ZNF804B: variants seen among roughly 807,000 people sequenced by gnomAD.
ZNF804B encodes the protein zinc finger protein 804B.
Under a neutral mutation model 101.4 loss-of-function variants are expected in ZNF804B, and 80 were observed. The ratio of observed to expected loss-of-function variants is 0.79; its 90% CI spans 0.66 to 0.95. The LOEUF is 0.95. ZNF804B is among the 40% of genes least tolerant of loss of function. The probability of loss-of-function intolerance (pLI) is 0.00; values close to 1 mark genes in which losing one functional copy is unlikely to be tolerated. For missense variants in ZNF804B, 1,673 were observed against 1,561.9 expected (o/e 1.07, Z -1.20); for synonymous variants, 622 against 558.8 (o/e 1.11, Z -1.59).
chr7:88,915,030 T>A (rs1263872046), intron 1 of ZNF804B, among the ~76,000 whole-genome samples: 1 of 152,146 alleles, frequency 6.6e-6, no homozygotes, highest in Non-Finnish European at 1.5e-5. Context: ...CTTCCCACCC[T>A]TTTTTAATGA....
chr7:89,180,099 T>C (rs2115578381), intron 1 of ZNF804B, among the ~76,000 whole-genome samples: 2 of 152,258 alleles, frequency 1.3e-5, no homozygotes, highest in South Asian at 4.1e-4. Flanking sequence ...TGGGCCAGAC[T>C]TGACGTCAGC....
chr7:88,997,796 G>A (rs756653305), intron 1 of ZNF804B, among the ~76,000 whole-genome samples: 2 of 151,928 alleles, frequency 1.3e-5, no homozygotes, highest in African/African-American at 4.8e-5. Context: ...CTCTCCTATC[G>A]CACCACTCAA....
Position 88,860,353 on chromosome 7 carries a change from T to C in ZNF804B, c.108+100269T>C, listed in dbSNP as rs562072466. Among the ~76,000 whole-genome samples the C allele has an allele frequency of 1.4e-3, 217 of 152,260 alleles. 1 individual carries two copies. Among genetic ancestry groups the C allele is most frequent in the South Asian group, 0.01 (49 of 4,832 alleles). On this transcript the variant is annotated intron_variant, in intron 1 of 3. Coordinates refer to ENST00000333190, the MANE Select transcript of ZNF804B (RefSeq NM_181646.5). ...GTTTGCTTGACATTGGAGTATATTTTATCCTTCCTTTAAATTGTTACAGGT... is the reference window on the plus strand; with the variant it reads ...GTTTGCTTGACATTGGAGTATATTTCATCCTTCCTTTAAATTGTTACAGGT...
chr7:88,850,335 T>C (rs925297930), intron 1 of ZNF804B, among the ~76,000 whole-genome samples: 1 of 152,012 alleles, frequency 6.6e-6, no homozygotes, highest in Non-Finnish European at 1.5e-5. Flanking sequence ...GAATACAAGG[T>C]GGCTAAAGTT....
intron 1 of ZNF804B, among the ~76,000 whole-genome samples, chr7:89,061,317 T>C (rs1789375602): frequency 6.6e-6 from 1 of 152,108 alleles, no homozygotes; most frequent in Non-Finnish European, 1.5e-5. Context: ...TTTTGATCTT[T>C]TGGGACTTCA....
chr7:88,776,679 T>C lies in ZNF804B; in HGVS notation c.108+16595T>C, dbSNP rs565047043. On this transcript the variant is annotated intron_variant, in intron 1 of 3. Transcript: ENST00000333190. Reference sequence around the variant, plus strand: ...TTTCTATAAGGCTAGATATTTAATCTAAAACTACTGTCTCTGTGCTGGGAA... The same window carrying C: ...TTTCTATAAGGCTAGATATTTAATCCAAAACTACTGTCTCTGTGCTGGGAA... 4.7e-5 allele frequency among the ~76,000 whole-genome samples: 7 copies of C among 149,892 alleles called. 1 individual carries two copies. Among genetic ancestry groups the C allele is most frequent in the African/African-American group, 1.7e-4 (7 of 40,956 alleles).
At chr7:89,188,432 C>T (rs1444772364) in intron 1 of ZNF804B, among the ~76,000 whole-genome samples, 2 of 151,892 alleles carry the variant, frequency 1.3e-5, no homozygotes, top group African/African-American at 2.4e-5. Context: ...GAAATTACGT[C>T]GATTTTTAAT....
At chr7:89,019,111 G>A (rs1037703213) in intron 1 of ZNF804B, among the ~76,000 whole-genome samples, 2 of 151,896 alleles carry the variant, frequency 1.3e-5, no homozygotes, top group African/African-American at 4.8e-5. Context: ...ATTGATGCAG[G>A]CATTTATTGC....
rs980383917 is a variant in ZNF804B, at chr7:89,283,749, A to G, written c.250-43595A>G. Among the ~76,000 whole-genome samples the G allele has an allele frequency of 5.9e-5, 9 of 151,990 alleles. No homozygotes were observed. In the East Asian group the frequency reaches 1.7e-3, roughly 29 times the overall value. On this transcript the variant is annotated intron_variant, in intron 2 of 3. Coordinates refer to ENST00000333190, the MANE Select transcript of ZNF804B (RefSeq NM_181646.5). The stretch of plus-strand genomic sequence containing the variant: ...AAAAATTCCCTAATATTATGAATTT[A>G]TACAAATTATCCTATATATACATAC...
chr7:89,316,170 G>A (rs38948), intron 2 of ZNF804B, among the ~76,000 whole-genome samples: 16,572 of 152,068 alleles, frequency 0.11, 935 homozygotes, highest in Non-Finnish European at 0.12. Flanking sequence ...CTGGATAGGG[G>A]TTAGCAAGAT....
At chr7:89,204,872 C>T (rs1209297349) in intron 1 of ZNF804B, among the ~76,000 whole-genome samples, 1 of 152,070 alleles carries the variant, frequency 6.6e-6, no homozygotes, top group Admixed American at 6.5e-5. Context: ...TAAATAGTTT[C>T]TCTTATTATT....
intron 1 of ZNF804B, among the ~76,000 whole-genome samples, chr7:88,952,430 T>C (rs1268732109): frequency 6.6e-6 from 1 of 151,784 alleles, no homozygotes. Flanking sequence ...ATGTTACAAT[T>C]ATGTGGTTCA....
chr7:89,319,321 C>T (rs1790778799), intron 2 of ZNF804B, among the ~76,000 whole-genome samples: 1 of 152,150 alleles, frequency 6.6e-6, no homozygotes, highest in South Asian at 2.1e-4. Flanking sequence ...TACACAACTT[C>T]TCCTTTACCA....
At chr7:88,870,400 A>AG (rs1554341920) in intron 1 of ZNF804B, among the ~76,000 whole-genome samples, 1 of 112,732 alleles carries the variant, frequency 8.9e-6, no homozygotes, top group Non-Finnish European at 1.8e-5. Context: ...AAAAAAAAAA[A>AG]AAAAAAAGGT....
chr7:88,920,033 A>T (rs971937137), intron 1 of ZNF804B, among the ~76,000 whole-genome samples: 1 of 152,098 alleles, frequency 6.6e-6, no homozygotes, highest in Admixed American at 6.6e-5. Context: ...GCTAAATACA[A>T]TTCAGGTACA....
chr7:89,012,289 G>T (rs567494665), intron 1 of ZNF804B, among the ~76,000 whole-genome samples: 1 of 152,004 alleles, frequency 6.6e-6, no homozygotes, highest in Admixed American at 6.6e-5. Context: ...AGGGGCTGCC[G>T]TGAAGACTTC....
chr7:88,797,538 C>A (rs200641995), intron 1 of ZNF804B, among the ~76,000 whole-genome samples: 2 of 152,132 alleles, frequency 1.3e-5, no homozygotes, highest in East Asian at 3.9e-4. Context: ...ATGGATTAAA[C>A]CAGAGAGAAC....
At position 89,113,029 on chromosome 7, in the gene ZNF804B, T is replaced by C. The variant is rs531495452; in HGVS notation, c.109-105126T>C. ...CAACATACATATAATTTATTGCTTA[T>C]GGAGAAAATAGATGTGGGGGAGAAT... On this transcript the variant is annotated intron_variant, in intron 1 of 3. Coordinates refer to ENST00000333190, the MANE Select transcript of ZNF804B (RefSeq NM_181646.5). Among the ~76,000 whole-genome samples the C allele has an allele frequency of 2.0e-5, 3 of 152,292 alleles. 1 individual carries two copies. Among genetic ancestry groups the C allele is most frequent in the African/African-American group, 7.2e-5 (3 of 41,554 alleles).
intron 1 of ZNF804B, among the ~76,000 whole-genome samples, chr7:89,194,154 G>T (rs566738138): frequency 1.0e-3 from 157 of 151,322 alleles, no homozygotes; most frequent in Middle Eastern, 6.8e-3. Flanking sequence ...ACTTTTTGAT[G>T]GGGTTGTTTG....
Sources: gnomAD v4.1 joint callset for allele counts (sites outside exome capture counted in the v4.1 genomes callset) on GRCh38, gnomAD v4.1.1 for gene constraint, MANE v1.5 for transcripts, NCBI Gene and HGNC (gene_info 2026-07-23, HGNC 2026-07-21) for gene names.